The following XKR9 variants were observed in gnomAD, a reference collection of about 807,000 sequenced individuals.
The protein encoded by XKR9 is XK related 9, also known as XK-related protein 9.
A neutral mutation model predicts 32.0 loss-of-function variants in XKR9; 32 were observed. The ratio of observed to expected loss-of-function variants is 1.00; its 90% confidence interval spans 0.76 to 1.34. The LOEUF is 1.34. XKR9 is among the 40% of genes most tolerant of loss of function. The pLI is 0.00. For synonymous variants in XKR9, 168 were observed against 143.4 expected, an observed-to-expected ratio of 1.17 and a Z score of -1.22; for missense variants, 546 against 429.7, an observed-to-expected ratio of 1.27 and a Z score of -2.39.
intron 2 of XKR9, among the ~76,000 whole-genome samples, chr8:70,777,418 C>T (rs113862365): frequency 2.9e-4 from 44 of 152,192 alleles, no homozygotes; most frequent in African/African-American, 8.9e-4. Context: ...AATAAACATA[C>T]GTGTGCATGT....
At chr8:70,897,571 C>T in the XKR9 span, among the ~76,000 whole-genome samples, 1 of 152,092 alleles carries the variant, frequency 6.6e-6, no homozygotes, top group African/African-American at 2.4e-5. Context: ...TGGATAAAAG[C>T]CATTTTAACT....
At chr8:70,913,228 C>T in the XKR9 span, among the ~76,000 whole-genome samples, 1 of 152,048 alleles carries the variant, frequency 6.6e-6, no homozygotes, top group African/African-American at 2.4e-5. Context: ...TGTACATTTT[C>T]AATTGAGAGC....
intron 3 of XKR9, among the ~76,000 whole-genome samples, chr8:70,688,139 A>G (rs547133184): frequency 2.8e-4 from 42 of 152,346 alleles, no homozygotes; most frequent in African/African-American, 9.9e-4. Context: ...TGATCTAGAA[A>G]AGAGGTCTCT....
intron 3 of XKR9, among the ~76,000 whole-genome samples, chr8:70,701,497 C>G (rs1222443954): frequency 6.6e-6 from 1 of 152,168 alleles, no homozygotes; most frequent in African/African-American, 2.4e-5. Context: ...TCTAGTCAGC[C>G]ATCTTGGCCA....
chr8:70,853,192 A>T, the XKR9 span, among the ~76,000 whole-genome samples: 1 of 152,094 alleles, frequency 6.6e-6, no homozygotes, highest in Admixed American at 6.6e-5. Context: ...GGGATCTAAA[A>T]ATCAAAACGA....
At chr8:70,913,251 AGAAAT>A in the XKR9 span, among the ~76,000 whole-genome samples, 1 of 152,160 alleles carries the variant, frequency 6.6e-6, no homozygotes, top group Non-Finnish European at 1.5e-5. Context: ...CTAGTCTTCA[AGAAAT>A]GCAATAGCTT....
At chr8:70,821,054 T>C in the XKR9 span, among the ~76,000 whole-genome samples, 3 of 152,202 alleles carry the variant, frequency 2.0e-5, no homozygotes, top group South Asian at 2.1e-4. Flanking sequence ...AGCAAGTCCC[T>C]TCTGTCTATG....
At chr8:70,866,601 A>ATT in the XKR9 span, among the ~76,000 whole-genome samples, 10 of 146,906 alleles carry the variant, frequency 6.8e-5, no homozygotes, top group African/African-American at 2.5e-4. Context: ...AACTAATGGA[A>ATT]TTTTTTTTTT....
intron 2 of XKR9, among the ~76,000 whole-genome samples, chr8:70,770,291 T>G (rs1807436509): frequency 1.3e-5 from 2 of 152,186 alleles, no homozygotes; most frequent in South Asian, 4.1e-4. Flanking sequence ...CAGCAAAGAT[T>G]GCTGCCTGCT....
the XKR9 span, among the ~76,000 whole-genome samples, chr8:71,022,929 A>G: frequency 6.8e-6 from 1 of 146,234 alleles, no homozygotes; most frequent in Non-Finnish European, 1.5e-5. Context: ...CTTCAGGTCC[A>G]CGGTTTCTGC....
intron 4 of XKR9, among the ~76,000 whole-genome samples, chr8:70,709,858 TA>T (rs1241757939): frequency 6.6e-6 from 1 of 152,162 alleles, no homozygotes; most frequent in African/African-American, 2.4e-5. Flanking sequence ...TCACTATTGT[TA>T]AAATGGCCAT....
At chr8:70,837,236 A>T in the XKR9 span, among the ~76,000 whole-genome samples, 1 of 152,190 alleles carries the variant, frequency 6.6e-6, no homozygotes, top group East Asian at 1.9e-4. Flanking sequence ...TCACCTATGT[A>T]TGTAATATCA....
At chr8:70,755,285 A>G (rs1377239857) in intron 2 of XKR9, among the ~76,000 whole-genome samples, 1 of 152,194 alleles carries the variant, frequency 6.6e-6, no homozygotes, top group Non-Finnish European at 1.5e-5. Flanking sequence ...ATGTGGAGAA[A>G]TAGGAACACT....
chr8:71,037,937 A>G, the XKR9 span, among the ~76,000 whole-genome samples: 1 of 152,198 alleles, frequency 6.6e-6, no homozygotes, highest in Non-Finnish European at 1.5e-5. Context: ...GACAACAAAA[A>G]CATAAAAATG....
the XKR9 span, among the ~76,000 whole-genome samples, chr8:71,011,298 A>T: frequency 6.6e-6 from 1 of 152,234 alleles, no homozygotes; most frequent in Admixed American, 6.5e-5. Context: ...CAATGCTCAT[A>T]AACACATAGT....
chr8:70,852,494 AATTATAAATCATTCTACTT>A, the XKR9 span, among the ~76,000 whole-genome samples: 1 of 152,162 alleles, frequency 6.6e-6, no homozygotes, highest in Admixed American at 6.6e-5. Context: ...GATTATAAAG[AATTATAAATCATTCTACTT>A]TTATAAATCA....
At chr8:70,741,137 G>A (rs1586878049) in intron 2 of XKR9, among the ~76,000 whole-genome samples, 2 of 152,206 alleles carry the variant, frequency 1.3e-5, no homozygotes, top group South Asian at 2.1e-4. Context: ...TCGAGCATCT[G>A]GGCTGCTTTG....
intron 3 of XKR9, among the ~76,000 whole-genome samples, chr8:70,789,749 TAA>T (rs1399673353): frequency 6.6e-6 from 1 of 151,816 alleles, no homozygotes; most frequent in Non-Finnish European, 1.5e-5. Context: ...ATAAATAATT[TAA>T]AAAGCAAAGT....
chr8:70,728,715 A>T (rs1806560869), intron 4 of XKR9, among the ~76,000 whole-genome samples: 1 of 152,212 alleles, frequency 6.6e-6, no homozygotes, highest in Admixed American at 6.5e-5. Flanking sequence ...TTTTATTAAA[A>T]GCAAATCATG....
Sources: gnomAD v4.1 joint callset for allele counts (sites outside exome capture counted in the v4.1 genomes callset) on GRCh38, gnomAD v4.1.1 for gene constraint, MANE v1.5 for transcripts, NCBI Gene and HGNC (gene_info 2026-07-23, HGNC 2026-07-21) for gene names.